MRAP2: variants seen among roughly 807,000 people sequenced by gnomAD.
The protein encoded by MRAP2 is melanocortin-2 receptor accessory protein 2.
A neutral mutation model predicts 17.4 loss-of-function variants in MRAP2; 20 were observed. That is an observed-to-expected ratio of 1.15 (90% CI 0.81 to 1.67). MRAP2 has a LOEUF of 1.67. Among genes scored for constraint, MRAP2 ranks in the 40% most tolerant of loss-of-function variants. The pLI is 0.00. For missense variants in MRAP2, 238 were observed against 240.0 expected, an observed-to-expected ratio of 0.99 and a Z score of 0.05; for synonymous variants, 96 against 88.4, an observed-to-expected ratio of 1.09 and a Z score of -0.48.
chr6:84,134,625 C>G, the MRAP2 span, among the ~76,000 whole-genome samples: 3 of 152,138 alleles, frequency 2.0e-5, no homozygotes, highest in Non-Finnish European at 1.5e-5. Context: ...TTGCACTTCC[C>G]GGATGAGGCA....
chr6:84,085,974 G>A (rs1486827940), intron 3 of MRAP2, among the ~76,000 whole-genome samples: 1 of 152,212 alleles, frequency 6.6e-6, no homozygotes, highest in Non-Finnish European at 1.5e-5. Context: ...GAGCCATGGA[G>A]GCAGAGAGCT....
the MRAP2 span, among the ~76,000 whole-genome samples, chr6:84,122,352 CAAAA>C: frequency 2.8e-5 from 1 of 36,150 alleles, no homozygotes; most frequent in African/African-American, 1.1e-4. Flanking sequence ...ACAGCACATC[CAAAA>C]AAAAAAAAAA....
chr6:84,093,256 G>A (rs2099502084), downstream of MRAP2, among the ~76,000 whole-genome samples: 1 of 138,582 alleles, frequency 7.2e-6, no homozygotes, highest in South Asian at 2.2e-4. Context: ...AGAGAGAATA[G>A]GGCAAGAAAA....
the MRAP2 span, among the ~76,000 whole-genome samples, chr6:84,146,160 T>A: frequency 6.6e-6 from 1 of 152,114 alleles, no homozygotes; most frequent in Non-Finnish European, 1.5e-5. Flanking sequence ...CAATCTCTAA[T>A]CCAAATCTCT....
intron 1 of MRAP2, among the ~76,000 whole-genome samples, chr6:84,046,813 T>TTTGGGAAGTG (rs2099489164): frequency 7.1e-6 from 1 of 141,166 alleles, no homozygotes; most frequent in African/African-American, 2.7e-5. Flanking sequence ...AAAAGGAGAA[T>TTTGGGAAGTG]TTGGGAAGTG....
At chr6:84,082,354 T>C (rs1250814967) in intron 3 of MRAP2, among the ~76,000 whole-genome samples, 1 of 152,188 alleles carries the variant, frequency 6.6e-6, no homozygotes, top group East Asian at 1.9e-4. Context: ...TAAAGCTCAA[T>C]CTTTAGCAAA....
At chr6:84,122,424 TCAA>T in the MRAP2 span, among the ~76,000 whole-genome samples, 966 of 148,842 alleles carry the variant, frequency 6.5e-3, 7 homozygotes, top group African/African-American at 0.023. Context: ...GGAGGATGAT[TCAA>T]CATACAGAAA....
At chr6:84,140,379 ACTCTT>A in the MRAP2 span, among the ~76,000 whole-genome samples, 1 of 148,118 alleles carries the variant, frequency 6.8e-6, no homozygotes, top group Non-Finnish European at 1.5e-5. Context: ...TTTTCACACA[ACTCTT>A]CTGTCTGCAG....
chr6:84,115,463 T>A, the MRAP2 span, among the ~76,000 whole-genome samples: 1 of 152,190 alleles, frequency 6.6e-6, no homozygotes. Flanking sequence ...CTCAGACTGC[T>A]GTGCTGGCAG....
At chr6:84,106,756 G>A in the MRAP2 span, among the ~76,000 whole-genome samples, 13,134 of 152,060 alleles carry the variant, frequency 0.086, 1,465 homozygotes, top group African/African-American at 0.26. Flanking sequence ...TTATGCCTTC[G>A]GGACCTGCTC....
chr6:84,092,732 T>C (rs1355076905), downstream of MRAP2, among the ~76,000 whole-genome samples: 2 of 152,124 alleles, frequency 1.3e-5, no homozygotes, highest in Non-Finnish European at 2.9e-5. Flanking sequence ...CCCGTGTATA[T>C]GAAAATTAGC....
the MRAP2 span, among the ~76,000 whole-genome samples, chr6:84,115,612 C>T: frequency 6.6e-6 from 1 of 152,042 alleles, no homozygotes; most frequent in African/African-American, 2.4e-5. Context: ...TTCCGGGCAC[C>T]ACTGGGGTAT....
intron 1 of MRAP2, among the ~76,000 whole-genome samples, chr6:84,040,337 T>A (rs2099487197): frequency 6.6e-6 from 1 of 152,214 alleles, no homozygotes; most frequent in African/African-American, 2.4e-5. Flanking sequence ...CAGTCTCAGG[T>A]ATGTCTTTAT....
At chr6:84,083,404 A>T (rs1009811877) in intron 3 of MRAP2, among the ~76,000 whole-genome samples, 2 of 152,246 alleles carry the variant, frequency 1.3e-5, no homozygotes, top group African/African-American at 4.8e-5. Context: ...CCTAAGTAAG[A>T]ATCTTAAAGT....
chr6:84,058,723 C>T (rs1413312110), intron 2 of MRAP2, among the ~76,000 whole-genome samples: 2 of 151,890 alleles, frequency 1.3e-5, no homozygotes, highest in Non-Finnish European at 2.9e-5. Context: ...AGCATAGGTG[C>T]CTGAGAGGAA....
At chr6:84,105,780 C>G in the MRAP2 span, among the ~76,000 whole-genome samples, 1 of 152,050 alleles carries the variant, frequency 6.6e-6, no homozygotes, top group Non-Finnish European at 1.5e-5. Context: ...CCCAAAGTAG[C>G]TGGATTGCAA....
At chr6:84,055,492 T>A (rs753520495) in intron 2 of MRAP2, 47 bp downstream of exon 2, 1 of 1,573,996 alleles carries the variant, frequency 6.4e-7, no homozygotes, top group East Asian at 2.2e-5. Flanking sequence ...GTATTTCTCT[T>A]AACCTGTGAA....
the MRAP2 span, among the ~76,000 whole-genome samples, chr6:84,123,013 C>A: frequency 1.7e-4 from 26 of 151,484 alleles, no homozygotes; most frequent in African/African-American, 6.1e-4. Context: ...ACACACAGCA[C>A]CTAGGAATAC....
At chr6:84,098,238 T>C in the MRAP2 span, among the ~76,000 whole-genome samples, 1 of 152,194 alleles carries the variant, frequency 6.6e-6, no homozygotes, top group Non-Finnish European at 1.5e-5. Flanking sequence ...CTTCTTTCAT[T>C]CAGCGTAATT....
Sources: gnomAD v4.1 joint callset for allele counts (sites outside exome capture counted in the v4.1 genomes callset) on GRCh38, gnomAD v4.1.1 for gene constraint, MANE v1.5 for transcripts, NCBI Gene and HGNC (gene_info 2026-07-23, HGNC 2026-07-21) for gene names.